Variants in GABRB3 observed in about 807,000 individuals in gnomAD.
GABRB3 encodes gamma-aminobutyric acid receptor subunit beta-3.
GABRB3 carries 14 observed loss-of-function variants against 52.1 expected under a neutral mutation model. The observed-to-expected ratio is 0.27, with a 90% CI of 0.18 to 0.42. The LOEUF (loss-of-function observed/expected upper bound fraction) is 0.42, where lower values mean the gene tolerates loss of function less well. GABRB3 is among the 10% of genes least tolerant of loss of function. GABRB3 has a pLI of 1.00. For synonymous variants in GABRB3, 260 were observed against 232.3 expected (o/e 1.12, Z -1.08); for missense variants, 307 against 609.1 (o/e 0.50, Z 5.22).
chr15:26,628,217 C>A (rs1892780059), intron 3 of GABRB3, among the ~76,000 whole-genome samples: 1 of 152,254 alleles, frequency 6.6e-6, no homozygotes, highest in South Asian at 2.1e-4. Context: ...TTGTGACTCA[C>A]TTCATGATAT....
At chr15:26,771,516 TC>T (rs1891142958) in intron 3 of GABRB3, among the ~76,000 whole-genome samples, 3 of 152,184 alleles carry the variant, frequency 2.0e-5, no homozygotes, top group African/African-American at 7.2e-5. Flanking sequence ...AAATGCTCCT[TC>T]CAGAGTGTCC....
In GABRB3 at chr15:26,759,335, A is replaced by G. The variant is rs1485674573; in HGVS notation, c.240+13067T>C. Among the ~76,000 whole-genome samples, 4 of 152,096 alleles carry G rather than the reference A, an allele frequency of 2.6e-5. No homozygotes were observed. The East Asian group carries it at 7.7e-4, about 29-fold the overall frequency. On this transcript the variant is annotated intron_variant, in intron 3 of 8. Coordinates refer to ENST00000311550, the MANE Select transcript of GABRB3 (RefSeq NM_000814.6). ...AGTGGCGCAATCTTGGCTCACGGCA[A>G]CCTCCGCCTCCCGGGTGCCAGTTCA...
chr15:26,740,851 G>T (rs1026936313), intron 3 of GABRB3, among the ~76,000 whole-genome samples: 3 of 152,120 alleles, frequency 2.0e-5, no homozygotes, highest in Admixed American at 6.5e-5. Flanking sequence ...GAGTCTGCTG[G>T]TGTGCACAAT....
At chr15:26,663,836 CT>C (rs1219356164) in intron 3 of GABRB3, among the ~76,000 whole-genome samples, 14 of 152,110 alleles carry the variant, frequency 9.2e-5, no homozygotes, top group Non-Finnish European at 1.8e-4. Flanking sequence ...ACATGAACAT[CT>C]TTTGGAAGTC....
chr15:26,606,816 A>ATATCTATC (rs377212854), intron 4 of GABRB3, among the ~76,000 whole-genome samples: 2 of 57,406 alleles, frequency 3.5e-5, no homozygotes, highest in Non-Finnish European at 8.1e-5. Context: ...ATAGATAGAT[A>ATATCTATC]GATAGATAGA....
In GABRB3 at chr15:26,543,971, G is replaced by A. The variant is rs1241216314; in HGVS notation, c.*3822C>T. ...CAGTAGAAGAGGTAATCAATCCAAG[G>A]CACACTAGCTAGTGTCCTGGAAAAA... On this transcript the variant is annotated 3_prime_UTR_variant, in exon 9 of 9. Transcript: ENST00000311550. 1 of 152,508 alleles carries A rather than the reference G, an allele frequency of 6.6e-6. No homozygotes were observed. Among genetic ancestry groups the A allele is most frequent in the Non-Finnish European group, 1.5e-5 (1 of 68,028 alleles). The allele number at this position is 152,508 out of a possible 1,614,324, so 9.4% of individuals were successfully genotyped here.
intron 6 of GABRB3, among the ~76,000 whole-genome samples, chr15:26,568,623 G>A (rs1263381278): frequency 6.8e-6 from 1 of 147,812 alleles, no homozygotes; most frequent in African/African-American, 2.5e-5. Context: ...TCAGCCTCCC[G>A]AGTAGGTGGG....
At chr15:26,729,382 C>A (rs1346833649) in intron 3 of GABRB3, among the ~76,000 whole-genome samples, 1 of 152,084 alleles carries the variant, frequency 6.6e-6, no homozygotes, top group Non-Finnish European at 1.5e-5. Flanking sequence ...GGCTCCTGAA[C>A]CCAAGAAGGC....
At chr15:26,560,199 T>C (rs139648935) in intron 8 of GABRB3, among the ~76,000 whole-genome samples, 3,575 of 152,288 alleles carry the variant, frequency 0.023, 60 homozygotes, top group Non-Finnish European at 0.034. Flanking sequence ...ATATTGGTTT[T>C]ATAGGAAACC....
intron 3 of GABRB3, among the ~76,000 whole-genome samples, chr15:26,684,424 C>T (rs368658703): frequency 3.9e-5 from 6 of 152,166 alleles, no homozygotes; most frequent in East Asian, 3.9e-4. Context: ...GGAAGAAAAA[C>T]GCACCAGAGT....
intron 3 of GABRB3, among the ~76,000 whole-genome samples, chr15:26,650,986 C>G (rs1887179724): frequency 6.6e-6 from 1 of 152,200 alleles, no homozygotes; most frequent in Non-Finnish European, 1.5e-5. Context: ...CTTCAACTGT[C>G]TGTGCGACCA....
At chr15:26,598,579 T>TC (rs1196803598) in intron 4 of GABRB3, among the ~76,000 whole-genome samples, 1 of 152,144 alleles carries the variant, frequency 6.6e-6, no homozygotes, top group African/African-American at 2.4e-5. Flanking sequence ...TTGACTGCAC[T>TC]CCCCTTCCCC....
intron 3 of GABRB3, among the ~76,000 whole-genome samples, chr15:26,715,885 C>CA (rs1307706427): frequency 6.6e-6 from 1 of 152,174 alleles, no homozygotes; most frequent in African/African-American, 2.4e-5. Flanking sequence ...AATGTGACCT[C>CA]AACACTCCAT....
At chr15:26,658,895 G>C (rs1201873306) in intron 3 of GABRB3, 1 of 152,332 alleles carries the variant, frequency 6.6e-6, no homozygotes, top group East Asian at 1.9e-4. Flanking sequence ...GGAAGTCACA[G>C]GATACCCATT....
chr15:26,689,434 AGGAACT>A (rs1477855673), intron 3 of GABRB3, among the ~76,000 whole-genome samples: 1 of 152,214 alleles, frequency 6.6e-6, no homozygotes, highest in African/African-American at 2.4e-5. Flanking sequence ...AAGGGGCAAA[AGGAACT>A]GGAGTTTATG....
intron 3 of GABRB3, among the ~76,000 whole-genome samples, chr15:26,759,062 T>G (rs1284773050): frequency 6.6e-6 from 1 of 152,168 alleles, no homozygotes; most frequent in South Asian, 2.1e-4. Flanking sequence ...TTCCTAAAAC[T>G]TAATAATTTG....
intron 3 of GABRB3, chr15:26,624,648 A>T: frequency 1.0e-6 from 1 of 985,526 alleles, no homozygotes; most frequent in Non-Finnish European, 1.2e-6. Flanking sequence ...TAACAGCAAG[A>T]GGGAAAAAAC....
At chr15:26,654,916 T>C (rs1179573767) in intron 3 of GABRB3, among the ~76,000 whole-genome samples, 18 of 152,120 alleles carry the variant, frequency 1.2e-4, no homozygotes, top group Admixed American at 9.8e-4. Flanking sequence ...CACTGCAGCC[T>C]TGATTTCCTG....
At chr15:26,675,732 G>C (rs1888048436) in intron 3 of GABRB3, among the ~76,000 whole-genome samples, 2 of 152,096 alleles carry the variant, frequency 1.3e-5, no homozygotes, top group African/African-American at 4.8e-5. Flanking sequence ...AAATTACTAG[G>C]AGGTAACATC....
Sources: gnomAD v4.1 joint callset for allele counts (sites outside exome capture counted in the v4.1 genomes callset) on GRCh38, gnomAD v4.1.1 for gene constraint, MANE v1.5 for transcripts, NCBI Gene and HGNC (gene_info 2026-07-23, HGNC 2026-07-21) for gene names.